The following MVP variants were observed in gnomAD, a reference collection of about 807,000 sequenced individuals.
MVP encodes the protein lung resistance-related protein.
In MVP, 62 loss-of-function variants were observed where a neutral mutation model predicts 83.5. The observed-to-expected ratio is 0.74, with a 90% CI of 0.61 to 0.92. The LOEUF (loss-of-function observed/expected upper bound fraction) is 0.92, where lower values mean the gene tolerates loss of function less well. Ranked by LOEUF, MVP falls within the 40% of genes least tolerant of loss-of-function variation. The probability of loss-of-function intolerance (pLI) is 0.00; values close to 1 mark genes in which losing one functional copy is unlikely to be tolerated. For missense variants in MVP, 1,000 were observed against 1,203.4 expected (o/e 0.83, Z 2.50); for synonymous variants, 505 against 504.1 (o/e 1.00, Z -0.02).
chr16:29,841,862 TG>T lies in MVP; in HGVS notation c.1436+23del. 6.2e-7 allele frequency: 1 copy of T among 1,605,104 alleles called. No individual in the cohort carries two copies. Among genetic ancestry groups the T allele is most frequent in the Non-Finnish European group, 8.5e-7 (1 of 1,179,024 alleles). ...CCCGGTGAGTGCTGGCAGCGCAGGG[TG>T]TAGGGGGTGGCTCTCCATGGGTCTG... is the stretch of plus-strand genomic sequence containing the variant. On this transcript the variant is annotated intron_variant, in intron 9 of 14. Coordinates refer to ENST00000357402, the MANE Select transcript of MVP (RefSeq NM_005115.5). This position sits in a 1 kb window ranked among gnomAD's most constrained non-coding sequence, Gnocchi z 4.7.
chr16:29,831,077 C>T lies in MVP; in HGVS notation c.321+4C>T. 2 of 1,609,384 alleles carry T rather than the reference C, an allele frequency of 1.2e-6. No homozygotes were observed. Among genetic ancestry groups the T allele is most frequent in the Non-Finnish European group, 1.7e-6 (2 of 1,179,522 alleles). On this transcript the variant is annotated splice_donor_region_variant and intron_variant, in intron 3 of 14. Coordinates refer to ENST00000357402, the MANE Select transcript of MVP (RefSeq NM_005115.5). ...CCCAGGGGAGGTGCTGGAAAAGGTACCTGGTTTCCTCACTCCCTATGCCCC... is the reference window on the plus strand; with the variant it reads ...CCCAGGGGAGGTGCTGGAAAAGGTATCTGGTTTCCTCACTCCCTATGCCCC...
At chr16:29,823,706 TTAGC>T (rs2067382314) in intron 1 of MVP, among the ~76,000 whole-genome samples, 1 of 151,582 alleles carries the variant, frequency 6.6e-6, no homozygotes, top group African/African-American at 2.4e-5. Context: ...ACAAAAAAAA[TTAGC>T]TAGGCGTGGT....
In MVP at chr16:29,847,335, A is replaced by G. The variant is rs1411852115; in HGVS notation, c.2404A>G (p.Ile802Val). The G allele has an allele frequency of 1.9e-6, 3 of 1,605,372 alleles. No individual in the cohort carries two copies. The highest frequency in any genetic ancestry group is 2.7e-5 in the African/African-American group (2 of 74,458). Reference protein sequence around the residue: ...VKKFKQMTEAIGPSTIRDLAV... With the variant: ...VKKFKQMTEAVGPSTIRDLAV... Reference sequence around the variant, plus strand: ...GAAGTTCAAGCAGATGACAGAGGCCATAGGCCCCAGCACCATCAGGGACCT... The same window carrying G: ...GAAGTTCAAGCAGATGACAGAGGCCGTAGGCCCCAGCACCATCAGGGACCT... Residue 802 changes from isoleucine to valine, a missense_variant, in exon 14 of 15, where the codon ATA (isoleucine) becomes GTA (valine). By Grantham distance (29) the Ile-to-Val change is conservative. Coordinates refer to ENST00000357402, the MANE Select transcript of MVP (RefSeq NM_005115.5).
intron 3 of MVP, chr16:29,831,621 G>A (rs1289253531): frequency 2.2e-6 from 1 of 456,056 alleles, no homozygotes; most frequent in Non-Finnish European, 4.4e-6. Flanking sequence ...TCTGAGAACT[G>A]TTGGCCCATC....
Position 29,847,249 on chromosome 16 carries a change from C to G in MVP, c.2318C>G (p.Ala773Gly). ...GTCCGAGAGCTGGAACTGGTCTATGCCCGGGCCCAGCTGGAGCTGGAGGTG... is the reference window on the plus strand; with the variant it reads ...GTCCGAGAGCTGGAACTGGTCTATGGCCGGGCCCAGCTGGAGCTGGAGGTG... Reference protein sequence around the residue: ...QKVRELELVYARAQLELEVSK... With the variant: ...QKVRELELVYGRAQLELEVSK... The change falls in exon 14 of 15, where the codon GCC becomes GGC. Residue 773 changes from alanine to glycine, a missense_variant. Coordinates refer to ENST00000357402, the MANE Select transcript of MVP (RefSeq NM_005115.5). The G allele has an allele frequency of 6.2e-7, 1 of 1,613,666 alleles. No individual in the cohort carries two copies. The highest frequency in any genetic ancestry group is 8.5e-7 in the Non-Finnish European group (1 of 1,179,968).
chr16:29,833,883 T>A (rs2067464312), intron 4 of MVP, 27 bp downstream of exon 4: 1 of 1,614,010 alleles, frequency 6.2e-7, no homozygotes, highest in Admixed American at 1.7e-5. Flanking sequence ...TAGGGCTCCC[T>A]GCCTTCCTGT....
chr16:29,828,240 T>C (rs1385566989), intron 1 of MVP, among the ~76,000 whole-genome samples: 1 of 152,028 alleles, frequency 6.6e-6, no homozygotes, highest in Non-Finnish European at 1.5e-5. Context: ...ATTACAGGTG[T>C]GAGCCAGCAT....
At position 29,846,160 on chromosome 16, in the gene MVP, T is replaced by G; in HGVS notation, c.2141T>G (p.Met714Arg). The G allele has an allele frequency of 6.2e-7, 1 of 1,610,354 alleles. No individual in the cohort carries two copies. The highest frequency in any genetic ancestry group is 8.5e-7 in the Non-Finnish European group (1 of 1,178,266). The change falls in exon 13 of 15, where the codon ATG becomes AGG. Residue 714 changes from methionine (M) to arginine (R), a missense_variant and splice_region_variant. Coordinates refer to ENST00000357402, the MANE Select transcript of MVP (RefSeq NM_005115.5). ...ACCTGACTCTGCCTTCTCCCCAGCA[T>G]GGCCGTGGAGAGCACCGGGACTGCC... is the stretch of plus-strand genomic sequence containing the variant. ...KELLELEALS[M>R]AVESTGTAKA...
chr16:29,821,356 T>A (rs547499735), intron 1 of MVP: 29 of 152,338 alleles, frequency 1.9e-4, no homozygotes, highest in African/African-American at 5.8e-4. Context: ...TGTGGCTGTT[T>A]GGGCAGGACA....
chr16:29,824,224 A>AC (rs1321938960), intron 1 of MVP, among the ~76,000 whole-genome samples: 1 of 139,550 alleles, frequency 7.2e-6, no homozygotes, highest in Non-Finnish European at 1.5e-5. Context: ...AAAAAAAAAA[A>AC]AAAAAAAAAA....
rs986124471 is a variant in MVP at position 29,844,830 on chromosome 16, G to A, written c.1972G>A (p.Val658Ile). Residue 658 changes from valine to isoleucine, a missense_variant, in exon 11 of 15, where the codon GTC (valine) becomes ATC (isoleucine). Transcript: ENST00000357402. Reference sequence around the variant, plus strand: ...GACCCGGGACGCCCTGCAACGCAGCGTCCAGCTGGCCATCGAGATCACCAC... The same window carrying A: ...GACCCGGGACGCCCTGCAACGCAGCATCCAGCTGGCCATCGAGATCACCAC... ...QRTRDALQRS[V>I]QLAIEITTNS... 2.2e-5 allele frequency: 36 copies of A among 1,606,964 alleles called. No individual in the cohort carries two copies. Among genetic ancestry groups the A allele is most frequent in the Middle Eastern group, 1.7e-4 (1 of 6,020 alleles).
intron 7 of MVP, among the ~76,000 whole-genome samples, chr16:29,838,361 G>C (rs553017745): frequency 1.3e-5 from 2 of 150,216 alleles, no homozygotes; most frequent in African/African-American, 2.5e-5. Flanking sequence ...GCTTGAACCC[G>C]GGAGGCGGAG....
intron 13 of MVP, 121 bp downstream of exon 13, chr16:29,846,405 T>C (rs1224521669): frequency 7.3e-7 from 1 of 1,371,188 alleles, no homozygotes; most frequent in African/African-American, 1.5e-5. Context: ...ATCCAAGTAC[T>C]TTGCATTTGC....
intron 3 of MVP, chr16:29,831,904 T>G: frequency 2.9e-6 from 1 of 343,908 alleles, no homozygotes; most frequent in South Asian, 2.2e-5. Context: ...TTCTTCCACC[T>G]TTACCTTCTG....
Position 29,834,081 on chromosome 16 carries a change from G to C in MVP, c.577+15G>C, listed in dbSNP as rs764638838. 5.6e-6 allele frequency: 9 copies of C among 1,611,508 alleles called. No individual in the cohort carries two copies. In the Admixed American group the frequency reaches 1.5e-4, roughly 27 times the overall value. ...GAGGGTGACAGGTGGGGTCACCAAGGGGCGATGATGGTGGGTGGGCAGGAG... is the reference window on the plus strand; with the variant it reads ...GAGGGTGACAGGTGGGGTCACCAAGCGGCGATGATGGTGGGTGGGCAGGAG... On this transcript the variant is annotated intron_variant, in intron 5 of 14. Transcript: ENST00000357402.
rs766969676 is a variant in MVP, at chr16:29,844,617, A to C, written c.1759A>C (p.Thr587Pro). The C allele has an allele frequency of 6.2e-7, 1 of 1,613,998 alleles. No individual in the cohort carries two copies. Among genetic ancestry groups the C allele is most frequent in the Non-Finnish European group, 8.5e-7 (1 of 1,179,918 alleles). Residue 587 changes from threonine (T) to proline (P), a missense_variant, in exon 11 of 15, where the codon ACT becomes CCT. Physicochemically the swap from Thr to Pro is conservative, Grantham distance 38. Coordinates refer to ENST00000357402, the MANE Select transcript of MVP (RefSeq NM_005115.5). ...SRVRGAVASV[T>P]FDDFHKNSAR... ...GGTGCGGGGGGCCGTGGCCTCTGTC[A>C]CTTTCGATGACTTCCATAAGAACTC...
chr16:29,824,251 A>G (rs1234589392), intron 1 of MVP, among the ~76,000 whole-genome samples: 2 of 145,210 alleles, frequency 1.4e-5, no homozygotes, highest in Non-Finnish European at 3.0e-5. Context: ...ACAGATTTCC[A>G]GATGACCAGT....
At chr16:29,843,299 C>T (rs1299203929) in intron 10 of MVP, among the ~76,000 whole-genome samples, 2 of 150,638 alleles carry the variant, frequency 1.3e-5, no homozygotes, top group Non-Finnish European at 1.5e-5. Context: ...TGAGACCAGG[C>T]TGGGCAACAT....
chr16:29,823,229 G>A (rs1206820991), intron 1 of MVP, among the ~76,000 whole-genome samples: 4 of 146,448 alleles, frequency 2.7e-5, no homozygotes, highest in Non-Finnish European at 3.0e-5. Context: ...AGGCACAGGC[G>A]ATCCTCCCAC....
Sources: gnomAD v4.1 joint callset for allele counts (sites outside exome capture counted in the v4.1 genomes callset) on GRCh38, gnomAD v4.1.1 for gene constraint, Gnocchi (gnomAD v3.1) non-coding constraint, MANE v1.5 for transcripts, NCBI Gene and HGNC (gene_info 2026-07-23, HGNC 2026-07-21) for gene names.